VIPAS39: variants seen among roughly 807,000 people sequenced by gnomAD.
The protein encoded by VIPAS39 is spermatogenesis-defective protein 39 homolog.
VIPAS39 carries 63 observed loss-of-function variants against 84.7 expected under a neutral mutation model. That is an observed-to-expected ratio of 0.74 (90% CI 0.61 to 0.92). VIPAS39 has a LOEUF of 0.92. Ranked by LOEUF, VIPAS39 falls within the 40% of genes least tolerant of loss-of-function variation. VIPAS39 has a pLI of 0.00. For missense variants in VIPAS39, 499 were observed against 604.5 expected, an observed-to-expected ratio of 0.83 and a Z score of 1.83; for synonymous variants, 192 against 216.5, an observed-to-expected ratio of 0.89 and a Z score of 0.99.
chr14:77,434,032 T>C (rs2078566099), intron 15 of VIPAS39, 101 bp from the exon 16 acceptor site: 2 of 1,386,144 alleles, frequency 1.4e-6, no homozygotes, highest in Non-Finnish European at 2.0e-6. Flanking sequence ...TTTCCTGATA[T>C]TGACTCTGCC....
At chr14:77,435,466 T>G in intron 13 of VIPAS39, 73 bp from the exon 14 acceptor site, 1 of 1,586,364 alleles carries the variant, frequency 6.3e-7, no homozygotes, top group South Asian at 1.1e-5. Context: ...AAAAATCTTT[T>G]AATACTACAG....
At position 77,436,739 on chromosome 14, in the gene VIPAS39, G is replaced by A. The variant is rs535879520; in HGVS notation, c.837-820C>T. Among the ~76,000 whole-genome samples, 501 of 152,214 alleles carry A rather than the reference G, an allele frequency of 3.3e-3. 4 individuals carry two copies. The highest frequency in any genetic ancestry group is 0.011 in the African/African-American group (442 of 41,524). ...ATTACAGGCGTGAGCTGCTGCGCCC[G>A]GCCACATTATTGTTATACATGAAGA... On this transcript the variant is annotated intron_variant, in intron 12 of 19. Transcript: ENST00000557658.
chr14:77,453,198 A>T, intron 3 of VIPAS39, 101 bp downstream of exon 3: 3 of 1,165,816 alleles, frequency 2.6e-6, no homozygotes, highest in Non-Finnish European at 3.9e-6. Flanking sequence ...GTCTTATCCT[A>T]GTCCCTCTCC....
At chr14:77,435,104 C>T (rs1455631611) in intron 14 of VIPAS39, 155 bp downstream of exon 14, 1 of 1,156,524 alleles carries the variant, frequency 8.6e-7, no homozygotes, top group Non-Finnish European at 1.3e-6. Flanking sequence ...CCAGATGAGG[C>T]CCTCTTACCC....
At chr14:77,439,103 T>C (rs1444509987) in intron 11 of VIPAS39, among the ~76,000 whole-genome samples, 1 of 152,214 alleles carries the variant, frequency 6.6e-6, no homozygotes, top group Admixed American at 6.5e-5. Context: ...GAAACCTTCA[T>C]ATTCTGTGGG....
intron 4 of VIPAS39, 48 bp downstream of exon 4, chr14:77,451,139 C>T (rs1293768233): frequency 1.2e-6 from 2 of 1,613,170 alleles, no homozygotes; most frequent in Non-Finnish European, 1.7e-6. Flanking sequence ...TAAGATTTTT[C>T]TGGAAAAAGA....
At chr14:77,449,118 T>C (rs1308504064) in intron 6 of VIPAS39, among the ~76,000 whole-genome samples, 175 bp downstream of exon 6, 1 of 152,178 alleles carries the variant, frequency 6.6e-6, no homozygotes, top group Non-Finnish European at 1.5e-5. Context: ...AGTTGCACCC[T>C]TTCCCAGCTC....
At chr14:77,429,984 C>T (rs1445496383) in intron 16 of VIPAS39, among the ~76,000 whole-genome samples, 8 of 152,156 alleles carry the variant, frequency 5.3e-5, no homozygotes, top group South Asian at 2.1e-4. Context: ...TCTATAGAAA[C>T]GAATGCAGGG....
chr14:77,440,812 A>G (rs1196344869), intron 11 of VIPAS39, among the ~76,000 whole-genome samples: 7 of 151,178 alleles, frequency 4.6e-5, no homozygotes, highest in African/African-American at 1.7e-4. Flanking sequence ...TCCCCATCCC[A>G]GGTTCAAGCA....
At chr14:77,430,883 A>G (rs2078512170) in intron 16 of VIPAS39, among the ~76,000 whole-genome samples, 1 of 152,188 alleles carries the variant, frequency 6.6e-6, no homozygotes, top group Non-Finnish European at 1.5e-5. Context: ...AAATAAACCC[A>G]AGCATATATG....
At chr14:77,442,084 C>T (rs1566730775) in intron 10 of VIPAS39, among the ~76,000 whole-genome samples, 1 of 152,112 alleles carries the variant, frequency 6.6e-6, no homozygotes, top group Non-Finnish European at 1.5e-5. Context: ...ACTGTACTTC[C>T]CACTGGTATC....
chr14:77,444,223 A>T (rs1566732513), intron 8 of VIPAS39, 26 bp downstream of exon 8: 1 of 1,604,780 alleles, frequency 6.2e-7, no homozygotes, highest in South Asian at 1.1e-5. Context: ...ATAATTAAAC[A>T]AACAACAACA....
chr14:77,448,147 G>C (rs745348744), intron 7 of VIPAS39, among the ~76,000 whole-genome samples: 14 of 151,026 alleles, frequency 9.3e-5, no homozygotes, highest in African/African-American at 2.7e-4. Flanking sequence ...GTACAGATGG[G>C]GTTTCACCAT....
chr14:77,453,487 G>A lies in VIPAS39; in HGVS notation c.94-86C>T, dbSNP rs2078915813. 6.8e-6 allele frequency: 9 copies of A among 1,329,524 alleles called. No individual in the cohort carries two copies. The South Asian group carries it at 1.1e-4, about 16-fold the overall frequency. The allele number at this position is 1,329,524 out of a possible 1,614,324, so 82.4% of individuals were successfully genotyped here. On this transcript the variant is annotated intron_variant, in intron 2 of 19. Transcript: ENST00000557658. Reference sequence around the variant, plus strand: ...ACAATCAAGAAGGCTGAGGAATTGGGGCCTGAAGGTGGCCAACACTCGCCC... The same window carrying A: ...ACAATCAAGAAGGCTGAGGAATTGGAGCCTGAAGGTGGCCAACACTCGCCC...
chr14:77,434,576 T>C (rs775109399), intron 14 of VIPAS39, among the ~76,000 whole-genome samples: 3 of 152,064 alleles, frequency 2.0e-5, no homozygotes, highest in Non-Finnish European at 2.9e-5. Flanking sequence ...ATGGAATCCA[T>C]ACTTCTTTGA....
intron 6 of VIPAS39, among the ~76,000 whole-genome samples, 197 bp from the exon 7 acceptor site, chr14:77,448,747 A>T (rs2078837133): frequency 6.6e-6 from 1 of 152,218 alleles, no homozygotes; most frequent in African/African-American, 2.4e-5. Flanking sequence ...CAATATAGAT[A>T]GGAGGAGATG....
At chr14:77,435,785 T>C (rs1324210848) in intron 13 of VIPAS39, 59 bp downstream of exon 13, 2 of 1,568,928 alleles carry the variant, frequency 1.3e-6, no homozygotes, top group African/African-American at 2.7e-5. Flanking sequence ...ATCTCCTAGA[T>C]GCTGAACGGC....
intron 14 of VIPAS39, 82 bp downstream of exon 14, chr14:77,435,177 A>G (rs2078587587): frequency 1.9e-6 from 3 of 1,586,498 alleles, no homozygotes; most frequent in Non-Finnish European, 1.7e-6. Context: ...CATTATTAAT[A>G]GAGTACATAA....
intron 12 of VIPAS39, among the ~76,000 whole-genome samples, chr14:77,437,163 G>A (rs539923319): frequency 5.3e-5 from 8 of 152,310 alleles, no homozygotes; most frequent in African/African-American, 1.9e-4. Flanking sequence ...TACTGAACCT[G>A]AAGAAGCAAG....
Sources: gnomAD v4.1 joint callset for allele counts (sites outside exome capture counted in the v4.1 genomes callset) on GRCh38, gnomAD v4.1.1 for gene constraint, MANE v1.5 for transcripts, NCBI Gene and HGNC (gene_info 2026-07-23, HGNC 2026-07-21) for gene names.